CREB5: variants seen among roughly 807,000 people sequenced by gnomAD.
The protein encoded by CREB5 is cyclic AMP-responsive element-binding protein 5.
In CREB5, 19 loss-of-function variants were observed where a neutral mutation model predicts 57.1. The ratio of observed to expected loss-of-function variants is 0.33; its 90% CI spans 0.23 to 0.49. CREB5 has a LOEUF of 0.49. Among genes scored for constraint, CREB5 ranks in the 20% least tolerant of loss-of-function variants. CREB5 has a pLI of 0.99. For synonymous variants in CREB5, 238 were observed against 238.3 expected (o/e 1.00, Z 0.01); for missense variants, 579 against 671.6 (o/e 0.86, Z 1.52).
chr7:28,482,046 T>C (rs1791354338), intron 1 of CREB5, among the ~76,000 whole-genome samples: 2 of 152,266 alleles, frequency 1.3e-5, no homozygotes, highest in South Asian at 4.1e-4. Flanking sequence ...TCTCTTAATT[T>C]ACAGTTAGCT....
At chr7:28,667,125 G>A (rs544531967) in intron 5 of CREB5, among the ~76,000 whole-genome samples, 1 of 151,994 alleles carries the variant, frequency 6.6e-6, no homozygotes, top group South Asian at 2.1e-4. Flanking sequence ...CCGTGAACAA[G>A]CCACTGTAAA....
At chr7:28,595,647 C>G (rs760539338) in intron 5 of CREB5, among the ~76,000 whole-genome samples, 12 of 152,174 alleles carry the variant, frequency 7.9e-5, no homozygotes, top group Non-Finnish European at 1.6e-4. Flanking sequence ...GAGGCCCCTT[C>G]TTTTTACTTC....
chr7:28,560,990 G>GTGCGCGTGTGTGCGCGTGCGTC (rs1795232973), intron 4 of CREB5, among the ~76,000 whole-genome samples: 1 of 69,440 alleles, frequency 1.4e-5, no homozygotes, highest in South Asian at 6.8e-4. Context: ...GCGTGCGTGT[G>GTGCGCGTGTGTGCGCGTGCGTC]TGTGCCTGCG....
At chr7:28,625,307 C>G (rs1797958187) in intron 5 of CREB5, among the ~76,000 whole-genome samples, 2 of 152,268 alleles carry the variant, frequency 1.3e-5, no homozygotes, top group African/African-American at 4.8e-5. Context: ...TCATTCTACC[C>G]TTTAAGATGG....
chr7:28,386,352 T>C (rs892433656), intron 1 of CREB5, among the ~76,000 whole-genome samples: 6 of 152,212 alleles, frequency 3.9e-5, no homozygotes, highest in Admixed American at 6.5e-5. Context: ...GTAGACTTCA[T>C]GTCATTACAG....
chr7:28,755,746 C>T (rs1452344024), intron 7 of CREB5, among the ~76,000 whole-genome samples: 1 of 152,128 alleles, frequency 6.6e-6, no homozygotes, highest in African/African-American at 2.4e-5. Flanking sequence ...CTGATGGCTG[C>T]TGAACATTGA....
intron 7 of CREB5, among the ~76,000 whole-genome samples, chr7:28,743,833 C>CTTT (rs1554294486): frequency 4.5e-5 from 3 of 66,904 alleles, no homozygotes; most frequent in Admixed American, 1.8e-4. Flanking sequence ...TCCTAATCTC[C>CTTT]TTTTCTTTTT....
intron 1 of CREB5, among the ~76,000 whole-genome samples, chr7:28,435,887 A>G (rs1234767936): frequency 2.6e-5 from 4 of 152,168 alleles, no homozygotes; most frequent in Non-Finnish European, 5.9e-5. Flanking sequence ...TACAGAAACC[A>G]GAAAGGGGTG....
At position 28,543,386 on chromosome 7, in the gene CREB5, C is replaced by T. The variant is rs541149656; in HGVS notation, c.292-26979C>T. Among the ~76,000 whole-genome samples the T allele has an allele frequency of 2.0e-5, 3 of 152,140 alleles. No homozygotes were observed. The South Asian group carries it at 6.2e-4, about 32-fold the overall frequency. ...AAAAATATTATGCATTTATGTTTGCCTGCCTAGCCATTTGTCTATCCACTT... is the reference window on the plus strand; with the variant it reads ...AAAAATATTATGCATTTATGTTTGCTTGCCTAGCCATTTGTCTATCCACTT... On this transcript the variant is annotated intron_variant, in intron 4 of 10. Transcript: ENST00000357727.
chr7:28,347,192 A>G (rs573237763), intron 1 of CREB5, among the ~76,000 whole-genome samples: 1 of 152,286 alleles, frequency 6.6e-6, no homozygotes, highest in South Asian at 2.1e-4. Context: ...TTTAAGAAGT[A>G]TTTCTTAAGG....
chr7:28,469,634 G>A (rs575055906), intron 1 of CREB5, among the ~76,000 whole-genome samples: 8 of 152,274 alleles, frequency 5.3e-5, no homozygotes, highest in Admixed American at 5.2e-4. Flanking sequence ...AGAACCATAT[G>A]CTTTTCTGAA....
At chr7:28,659,116 G>A in intron 5 of CREB5, among the ~76,000 whole-genome samples, 1 of 151,608 alleles carries the variant, frequency 6.6e-6, no homozygotes. Flanking sequence ...ATGTGGAAGA[G>A]AATCAATGTT....
At chr7:28,670,405 A>G (rs144979884) in intron 5 of CREB5, among the ~76,000 whole-genome samples, 48 of 152,342 alleles carry the variant, frequency 3.2e-4, no homozygotes, top group Non-Finnish European at 5.7e-4. Context: ...AGGCAGGGCT[A>G]CTATATTTGA....
intron 4 of CREB5, among the ~76,000 whole-genome samples, chr7:28,566,115 G>T (rs968539023): frequency 1.3e-5 from 2 of 152,126 alleles, no homozygotes; most frequent in South Asian, 2.1e-4. Flanking sequence ...CCCCTAAAAT[G>T]TGGTGGCCAA....
At chr7:28,669,930 T>C in intron 5 of CREB5, among the ~76,000 whole-genome samples, 1 of 152,248 alleles carries the variant, frequency 6.6e-6, no homozygotes, top group African/African-American at 2.4e-5. Context: ...CCCCGCTACC[T>C]TGGGCTTCTC....
chr7:28,807,047 C>T (rs73291308), intron 8 of CREB5, among the ~76,000 whole-genome samples: 11,141 of 152,184 alleles, frequency 0.073, 1,356 homozygotes, highest in African/African-American at 0.25. Context: ...ACAAGGATGA[C>T]GCCTTCACTA....
At chr7:28,324,405 C>G (rs1785544685) in intron 1 of CREB5, among the ~76,000 whole-genome samples, 1 of 152,156 alleles carries the variant, frequency 6.6e-6, no homozygotes, top group Admixed American at 6.5e-5. Context: ...ACCATTACCT[C>G]CATGCTCTCA....
chr7:28,500,618 C>T (rs1402400347), intron 3 of CREB5, among the ~76,000 whole-genome samples: 2 of 152,150 alleles, frequency 1.3e-5, no homozygotes, highest in African/African-American at 4.8e-5. Flanking sequence ...GAAAGTAATT[C>T]AGGGAAGTAA....
chr7:28,617,327 C>T (rs1022713641), intron 5 of CREB5, among the ~76,000 whole-genome samples: 2 of 152,216 alleles, frequency 1.3e-5, no homozygotes, highest in Admixed American at 1.3e-4. Flanking sequence ...TTTACCCGTG[C>T]AACTGATGAA....
Sources: allele counts gnomAD v4.1 joint callset (sites outside exome capture counted in the v4.1 genomes callset), GRCh38; gene constraint gnomAD v4.1.1; transcripts MANE v1.5; gene names NCBI Gene and HGNC (gene_info 2026-07-23, HGNC 2026-07-21).